EZH1: variants seen among roughly 807,000 people sequenced by gnomAD.
EZH1 encodes enhancer of zeste 1 polycomb repressive complex 2 subunit.
A neutral mutation model predicts 100.5 loss-of-function variants in EZH1; 33 were observed. That is an observed-to-expected ratio of 0.33 (90% CI 0.25 to 0.44). The LOEUF is 0.44. Among genes scored for constraint, EZH1 ranks in the 20% least tolerant of loss-of-function variants. The probability of loss-of-function intolerance (pLI) is 1.00; values close to 1 mark genes in which losing one functional copy is unlikely to be tolerated. For missense variants in EZH1, 475 were observed against 928.4 expected (o/e 0.51, Z 6.35); for synonymous variants, 272 against 313.8 (o/e 0.87, Z 1.41).
At chr17:42,721,779 G>T (rs114989899) in intron 6 of EZH1, among the ~76,000 whole-genome samples, 3,753 of 152,196 alleles carry the variant, frequency 0.025, 169 homozygotes, top group African/African-American at 0.086. Context: ...GGAGGCCAAC[G>T]TGGGAGGATT....
intron 1 of EZH1, among the ~76,000 whole-genome samples, chr17:42,731,127 T>C (rs2053940055): frequency 6.6e-6 from 1 of 152,082 alleles, no homozygotes; most frequent in South Asian, 2.1e-4. Flanking sequence ...ATAATGCTTT[T>C]TTTTTTTAAA....
At chr17:42,714,567 C>G (rs1293944348) in intron 10 of EZH1, 1 of 305,476 alleles carries the variant, frequency 3.3e-6, no homozygotes, top group Non-Finnish European at 6.7e-6. Context: ...GGTGCAGGAG[C>G]AAGTGTGCTT....
Position 42,738,906 on chromosome 17 carries a change from C to A in EZH1, c.-103+6105G>T, listed in dbSNP as rs114721573. ...CCCCCTGAGTAGCTGGGACTATGCT[C>A]GCCACCAAGCCGGGTTAATTTCTGT... On this transcript the variant is annotated intron_variant, in intron 1 of 20. Transcript: ENST00000428826. Among the ~76,000 whole-genome samples the A allele has an allele frequency of 8.2e-3, 1,239 of 151,730 alleles. 19 individuals are homozygous for A. The highest frequency in any genetic ancestry group is 0.029 in the African/African-American group (1,184 of 41,356).
chr17:42,713,068 C>A, intron 11 of EZH1, 141 bp downstream of exon 11: 6 of 536,920 alleles, frequency 1.1e-5, no homozygotes, highest in South Asian at 2.9e-5. Context: ...AGAAAATATT[C>A]CCCATCTTTA....
At chr17:42,704,304 C>T (rs1182203390) in intron 18 of EZH1, among the ~76,000 whole-genome samples, 2 of 151,956 alleles carry the variant, frequency 1.3e-5, no homozygotes, top group African/African-American at 2.4e-5. Context: ...TTTGGGAGGC[C>T]GAGGCGGGTG....
At position 42,726,265 on chromosome 17, in the gene EZH1, T is replaced by C. The variant is rs181812767; in HGVS notation, c.246+1370A>G. Among the ~76,000 whole-genome samples, 99 of 144,524 alleles carry C rather than the reference T, an allele frequency of 6.9e-4. 1 individual carries two copies. The highest frequency in any genetic ancestry group is 5.5e-3 in the Admixed American group (76 of 13,788). The allele number at this position is 144,524 out of a possible 152,430, so 94.8% of individuals were successfully genotyped here. A position where few individuals can be genotyped will look rare whatever the true frequency, so the allele number is the denominator to read the frequency against. ...GTCTCGCTGTCGCCCAGGCTGGAGATCATAGCTCACTGCAGCCTTGAACTC... is the reference window on the plus strand; with the variant it reads ...GTCTCGCTGTCGCCCAGGCTGGAGACCATAGCTCACTGCAGCCTTGAACTC... On this transcript the variant is annotated intron_variant, in intron 4 of 20. Coordinates refer to ENST00000428826, the MANE Select transcript of EZH1 (RefSeq NM_001991.5).
In EZH1 at chr17:42,700,692, C is replaced by A. The variant is rs2053223558; in HGVS notation, c.*1840G>T. On this transcript the variant is annotated 3_prime_UTR_variant, in exon 21 of 21. Transcript: ENST00000428826. The stretch of plus-strand genomic sequence containing the variant: ...CTATGAGTAATTTGGAACCCACAGT[C>A]CAGCTTGAGGGTATCCCTGATATGC... 6.6e-6 allele frequency: 1 copy of A among 152,418 alleles called. No individual in the cohort carries two copies. Among genetic ancestry groups the A allele is most frequent in the Non-Finnish European group, 1.5e-5 (1 of 68,094 alleles). The allele number at this position is 152,418 out of a possible 1,614,324, so 9.4% of individuals were successfully genotyped here.
At chr17:42,705,048 TC>T in intron 17 of EZH1, 39 bp downstream of exon 17, 1 of 1,492,584 alleles carries the variant, frequency 6.7e-7, no homozygotes, top group Non-Finnish European at 9.3e-7. Flanking sequence ...CTCATCAGTC[TC>T]CCCCGAGTAA....
chr17:42,734,387 T>C (rs531879830), intron 1 of EZH1, among the ~76,000 whole-genome samples: 1 of 152,264 alleles, frequency 6.6e-6, no homozygotes, highest in South Asian at 2.1e-4. Flanking sequence ...CTTTTTGGCA[T>C]TCATTTTCCT....
intron 6 of EZH1, among the ~76,000 whole-genome samples, chr17:42,721,560 C>T (rs375248710): frequency 6.6e-6 from 1 of 152,128 alleles, no homozygotes; most frequent in East Asian, 1.9e-4. Flanking sequence ...AACTTTCTCT[C>T]CAGCCACTGA....
chr17:42,711,787 G>A (rs1456494302), intron 12 of EZH1, among the ~76,000 whole-genome samples: 1 of 152,146 alleles, frequency 6.6e-6, no homozygotes, highest in Non-Finnish European at 1.5e-5. Context: ...CTCCAGCCTG[G>A]GCGACACAGT....
At chr17:42,736,408 C>T (rs1719820459) in intron 1 of EZH1, among the ~76,000 whole-genome samples, 1 of 152,164 alleles carries the variant, frequency 6.6e-6, no homozygotes, top group Admixed American at 6.6e-5. Flanking sequence ...GAAAACAACA[C>T]ACATATCAAT....
chr17:42,726,916 C>A (rs1357834437), intron 4 of EZH1, among the ~76,000 whole-genome samples: 1 of 152,046 alleles, frequency 6.6e-6, no homozygotes, highest in Non-Finnish European at 1.5e-5. Context: ...GTGGTGTGAT[C>A]TTGGCTCACT....
In EZH1 at chr17:42,705,154, G is replaced by A. The variant is rs1350400719; in HGVS notation, c.1869C>T (p.Ala623=). ...ACTCCTTTATGAAGGTGCCCCATCC[G>A]GCCACATCAGAGGGGGCCAGCAGCA... is the stretch of plus-strand genomic sequence containing the variant. ...KHLLLAPSDV[A]GWGTFIKESV... The change falls in exon 17 of 21, where the codon GCC becomes GCT. Residue 623 remains alanine, a synonymous_variant. Coordinates refer to ENST00000428826, the MANE Select transcript of EZH1 (RefSeq NM_001991.5). 6.2e-6 allele frequency: 10 copies of A among 1,613,192 alleles called. No individual in the cohort carries two copies. The highest frequency in any genetic ancestry group is 3.3e-5 in the South Asian group (3 of 91,002).
At chr17:42,724,477 A>G in intron 4 of EZH1, 53 bp from the exon 5 acceptor site, 1 of 1,596,128 alleles carries the variant, frequency 6.3e-7, no homozygotes, top group Non-Finnish European at 8.6e-7. Context: ...TAACCCAAGA[A>G]AGAAATGTAA....
At chr17:42,716,344 G>A (rs1417921169) in intron 10 of EZH1, among the ~76,000 whole-genome samples, 2 of 152,036 alleles carry the variant, frequency 1.3e-5, no homozygotes, top group Non-Finnish European at 2.9e-5. Flanking sequence ...ATATACATAC[G>A]CAAATTTATG....
chr17:42,733,660 G>T (rs1280545531), intron 1 of EZH1, among the ~76,000 whole-genome samples: 2 of 110,128 alleles, frequency 1.8e-5, no homozygotes, highest in Non-Finnish European at 3.8e-5. Flanking sequence ...AAAAAAAAAA[G>T]GCCGGGCAGG....
chr17:42,707,082 C>G (rs973117921), intron 15 of EZH1, among the ~76,000 whole-genome samples: 16 of 152,184 alleles, frequency 1.1e-4, no homozygotes, highest in East Asian at 3.9e-4. Context: ...GATAAGTACC[C>G]GGATGTCTCT....
intron 1 of EZH1, among the ~76,000 whole-genome samples, chr17:42,733,032 C>CAAAAAA (rs35232752): frequency 1.9e-5 from 2 of 103,226 alleles, no homozygotes; most frequent in Admixed American, 2.1e-4. Flanking sequence ...ACCATCTCTA[C>CAAAAAA]AAAAAAAAAA....
Sources: allele counts gnomAD v4.1 joint callset (sites outside exome capture counted in the v4.1 genomes callset), GRCh38; gene constraint gnomAD v4.1.1; transcripts MANE v1.5; gene names NCBI Gene and HGNC (gene_info 2026-07-23, HGNC 2026-07-21).